Variants in RELN observed in about 807,000 individuals in gnomAD.
The protein encoded by RELN is reelin.
In RELN, 108 loss-of-function variants were observed where a neutral mutation model predicts 427.6. That is an observed-to-expected ratio of 0.25 (90% CI 0.22 to 0.30). RELN has a LOEUF of 0.30. RELN is among the 10% of genes least tolerant of loss of function. RELN has a pLI of 1.00. For missense variants in RELN, 3,715 were observed against 4,302.8 expected (o/e 0.86, Z 3.82); for synonymous variants, 1,524 against 1,513.4 (o/e 1.01, Z -0.16).
chr7:103,750,404 C>G (rs1457569179), intron 5 of RELN, among the ~76,000 whole-genome samples: 5 of 152,162 alleles, frequency 3.3e-5, no homozygotes, highest in African/African-American at 1.2e-4. Flanking sequence ...GCCTTCCCAG[C>G]TATGCTGAAT....
intron 10 of RELN, among the ~76,000 whole-genome samples, chr7:103,690,023 C>T (rs1833841269): frequency 6.6e-6 from 1 of 152,108 alleles, no homozygotes; most frequent in Non-Finnish European, 1.5e-5. Context: ...AAATGTTCAT[C>T]TACTCTAGAT....
chr7:103,519,071 G>C (rs1212739578), intron 49 of RELN, among the ~76,000 whole-genome samples: 1 of 152,016 alleles, frequency 6.6e-6, no homozygotes, highest in Non-Finnish European at 1.5e-5. Context: ...GTGGGTTTTT[G>C]CACTGGGTTT....
intron 6 of RELN, among the ~76,000 whole-genome samples, chr7:103,729,654 G>A (rs575979806): frequency 6.6e-6 from 1 of 152,216 alleles, no homozygotes; most frequent in African/African-American, 2.4e-5. Context: ...CAGTAGCTTC[G>A]TAAGGACAAT....
At chr7:103,587,111 C>T (rs191648645) in intron 28 of RELN, among the ~76,000 whole-genome samples, 98 of 152,218 alleles carry the variant, frequency 6.4e-4, no homozygotes, top group African/African-American at 2.0e-3. Context: ...GAGGCATCAC[C>T]TTACCTGACT....
rs559585980 is a variant in RELN at position 103,527,620 on chromosome 7, G to A, written c.7350-4089C>T. ...GTCAGCTTCAGAGCTGAAGCCCCTG[G>A]CCCTCTGTGTTTGAGCAACAGACTC... On this transcript the variant is annotated intron_variant, in intron 46 of 64. Transcript: ENST00000428762. Among the ~76,000 whole-genome samples, 39 of 152,266 alleles carry A rather than the reference G, an allele frequency of 2.6e-4. No homozygotes were observed. The East Asian group carries it at 5.2e-3, about 20-fold the overall frequency.
At chr7:103,556,376 T>G (rs1423330900) in intron 38 of RELN, among the ~76,000 whole-genome samples, 1 of 152,046 alleles carries the variant, frequency 6.6e-6, no homozygotes, top group East Asian at 1.9e-4. Context: ...TTCAGCTATA[T>G]TTACATTAAC....
intron 48 of RELN, among the ~76,000 whole-genome samples, chr7:103,520,448 G>A (rs1034958224): frequency 6.6e-6 from 1 of 151,974 alleles, no homozygotes; most frequent in African/African-American, 2.4e-5. Flanking sequence ...GCTAATTTTT[G>A]TATTTTTAAT....
intron 2 of RELN, among the ~76,000 whole-genome samples, chr7:103,882,917 T>G (rs1175083534): frequency 6.6e-6 from 1 of 152,086 alleles, no homozygotes; most frequent in Non-Finnish European, 1.5e-5. Context: ...AAAGAGGGAC[T>G]CCTCCCTAAC....
intron 3 of RELN, among the ~76,000 whole-genome samples, chr7:103,810,581 C>T (rs1045770754): frequency 6.6e-6 from 1 of 152,108 alleles, no homozygotes; most frequent in Non-Finnish European, 1.5e-5. Context: ...AGTGACAAGG[C>T]GCGCCAACCT....
intron 10 of RELN, among the ~76,000 whole-genome samples, chr7:103,696,465 A>T (rs773416916): frequency 1.3e-5 from 2 of 152,116 alleles, no homozygotes; most frequent in African/African-American, 4.8e-5. Flanking sequence ...ATCAAAATTG[A>T]TATGTCCAAA....
intron 2 of RELN, among the ~76,000 whole-genome samples, chr7:103,865,834 G>C (rs1236231115): frequency 6.6e-6 from 1 of 152,088 alleles, no homozygotes; most frequent in African/African-American, 2.4e-5. Flanking sequence ...TCTAAGATCG[G>C]GAACAAGGTA....
chr7:103,900,297 G>A (rs1367786823), intron 2 of RELN, among the ~76,000 whole-genome samples: 2 of 152,062 alleles, frequency 1.3e-5, no homozygotes, highest in African/African-American at 2.4e-5. Context: ...AAATAAGAGA[G>A]GACACAAACA....
chr7:103,918,654 T>G (rs1390881721), intron 1 of RELN, among the ~76,000 whole-genome samples: 2 of 152,186 alleles, frequency 1.3e-5, no homozygotes, highest in Admixed American at 6.5e-5. Flanking sequence ...GAATTATTAA[T>G]GAATAACTTA....
intron 17 of RELN, among the ~76,000 whole-genome samples, chr7:103,637,626 C>A (rs1271666597): frequency 6.6e-6 from 1 of 152,186 alleles, no homozygotes; most frequent in African/African-American, 2.4e-5. Context: ...TGAAGGTTGT[C>A]TTGGTATCTT....
At chr7:103,646,216 G>C (rs1192929815) in intron 16 of RELN, among the ~76,000 whole-genome samples, 1 of 151,596 alleles carries the variant, frequency 6.6e-6, no homozygotes, top group Non-Finnish European at 1.5e-5. Flanking sequence ...CAGGGAACTA[G>C]AAAAACAAGA....
intron 2 of RELN, among the ~76,000 whole-genome samples, chr7:103,895,129 T>C (rs1417086483): frequency 1.3e-5 from 2 of 152,146 alleles, no homozygotes; most frequent in Admixed American, 6.6e-5. Flanking sequence ...TTCCTGTTAA[T>C]TGGTAATTAT....
At chr7:103,713,537 T>C (rs989898924) in intron 8 of RELN, among the ~76,000 whole-genome samples, 5 of 152,194 alleles carry the variant, frequency 3.3e-5, no homozygotes, top group African/African-American at 4.8e-5. Context: ...TATTACATGT[T>C]ACTCTAGGCT....
chr7:103,502,628 TGTC>T (rs1829072006), intron 52 of RELN, among the ~76,000 whole-genome samples: 1 of 151,996 alleles, frequency 6.6e-6, no homozygotes, highest in East Asian at 2.0e-4. Context: ...CTCCTGGCTC[TGTC>T]TATCATGGAT....
intron 11 of RELN, among the ~76,000 whole-genome samples, chr7:103,674,391 G>C (rs1833464923): frequency 1.3e-5 from 2 of 151,630 alleles, no homozygotes; most frequent in African/African-American, 4.8e-5. Context: ...TTAGTTTAAT[G>C]CTTTCTTTTT....
Sources: gnomAD v4.1 joint callset for allele counts (sites outside exome capture counted in the v4.1 genomes callset) on GRCh38, gnomAD v4.1.1 for gene constraint, MANE v1.5 for transcripts, NCBI Gene and HGNC (gene_info 2026-07-23, HGNC 2026-07-21) for gene names.